Variants in ASIC2 observed in about 807,000 individuals in gnomAD.
The protein encoded by ASIC2 is acid sensing ion channel subunit 2, also known as acid-sensing ion channel 2.
A neutral mutation model predicts 57.3 loss-of-function variants in ASIC2; 25 were observed. That is an observed-to-expected ratio of 0.44 (90% CI 0.32 to 0.61). The LOEUF (loss-of-function observed/expected upper bound fraction) is 0.61. Ranked by LOEUF, ASIC2 falls within the 20% of genes least tolerant of loss-of-function variation. The pLI is 0.06. For missense variants in ASIC2, 641 were observed against 738.1 expected (o/e 0.87, Z 1.52); for synonymous variants, 319 against 307.5 (o/e 1.04, Z -0.39).
intron 1 of ASIC2, among the ~76,000 whole-genome samples, chr17:33,663,942 C>A (rs1419148659): frequency 1.3e-5 from 2 of 152,210 alleles, no homozygotes; most frequent in African/African-American, 4.8e-5. Context: ...AACCTGTCCT[C>A]ACCCAGGGCT....
chr17:33,369,756 T>C (rs145307851), intron 1 of ASIC2, among the ~76,000 whole-genome samples: 161 of 152,346 alleles, frequency 1.1e-3, no homozygotes, highest in African/African-American at 3.8e-3. Flanking sequence ...TTTCCGGTGC[T>C]GAAGCCAATA....
At chr17:34,090,007 C>T (rs1346462730) in intron 1 of ASIC2, among the ~76,000 whole-genome samples, 4 of 152,294 alleles carry the variant, frequency 2.6e-5, no homozygotes, top group Admixed American at 2.6e-4. Flanking sequence ...TGACCGGAGC[C>T]TCATCACATC....
intron 1 of ASIC2, chr17:33,635,172 T>C (rs1906314349): frequency 6.6e-6 from 1 of 152,198 alleles, no homozygotes; most frequent in Non-Finnish European, 1.5e-5. Flanking sequence ...TTTATGGAGA[T>C]GGAGAAGATT....
At chr17:34,128,071 C>A (rs1283713845) in intron 1 of ASIC2, among the ~76,000 whole-genome samples, 1 of 152,078 alleles carries the variant, frequency 6.6e-6, no homozygotes, top group Non-Finnish European at 1.5e-5. Flanking sequence ...GTGCCTAACA[C>A]CTTGTACAAT....
chr17:33,041,189 A>T (rs2141917621), intron 3 of ASIC2, among the ~76,000 whole-genome samples: 1 of 152,216 alleles, frequency 6.6e-6, no homozygotes, highest in Admixed American at 6.5e-5. Context: ...TTACCTAACT[A>T]CTCTGGGCCT....
chr17:33,151,199 ACG>A (rs1334146638), intron 1 of ASIC2, among the ~76,000 whole-genome samples: 11 of 110,374 alleles, frequency 1.0e-4, no homozygotes, highest in African/African-American at 1.8e-4. Flanking sequence ...ACACACACAC[ACG>A]CGCGCACACA....
chr17:33,375,981 T>A lies in ASIC2; in HGVS notation c.556-263914A>T, dbSNP rs375134052. 1.4e-4 allele frequency among the ~76,000 whole-genome samples: 22 copies of A among 152,282 alleles called. No individual in the cohort carries two copies. In the East Asian group the frequency reaches 3.5e-3, roughly 24 times the overall value. ...ATGAGTTTAATATGTCTGTTAGACA[T>A]CTGAATGGAGACGTTGAATAGGCAG... On this transcript the variant is annotated intron_variant, in intron 1 of 9. Transcript: ENST00000359872.
intron 1 of ASIC2, among the ~76,000 whole-genome samples, chr17:33,395,047 T>C (rs948526077): frequency 6.4e-5 from 9 of 139,918 alleles, no homozygotes; most frequent in Admixed American, 3.5e-4. Flanking sequence ...CATCCTTCCA[T>C]CCACCTACCC....
intron 1 of ASIC2, among the ~76,000 whole-genome samples, chr17:33,501,878 A>G (rs1914110210): frequency 6.6e-6 from 1 of 152,196 alleles, no homozygotes; most frequent in Admixed American, 6.5e-5. Flanking sequence ...GGCTGGGGTA[A>G]GGGGCCAGGT....
chr17:33,298,466 A>G (rs1332214847), intron 1 of ASIC2, among the ~76,000 whole-genome samples: 1 of 152,168 alleles, frequency 6.6e-6, no homozygotes, highest in Non-Finnish European at 1.5e-5. Flanking sequence ...CATGGTGTAT[A>G]TGTGCCACAT....
intron 1 of ASIC2, among the ~76,000 whole-genome samples, chr17:33,176,600 C>T (rs1905768490): frequency 6.6e-6 from 1 of 152,224 alleles, no homozygotes; most frequent in African/African-American, 2.4e-5. Context: ...CTGCCTTGGC[C>T]TCCCAAAGTG....
intron 1 of ASIC2, among the ~76,000 whole-genome samples, chr17:33,637,128 T>C (rs1906397877): frequency 6.6e-6 from 1 of 152,102 alleles, no homozygotes; most frequent in South Asian, 2.1e-4. Context: ...AAGATTTTTT[T>C]CTAAGCTCAG....
At chr17:33,514,837 C>T (rs1251083229) in intron 1 of ASIC2, among the ~76,000 whole-genome samples, 2 of 152,234 alleles carry the variant, frequency 1.3e-5, no homozygotes, top group African/African-American at 4.8e-5. Context: ...AAATCACTGA[C>T]TTTCTCGGCC....
At chr17:33,041,833 A>G (rs1013532550) in intron 3 of ASIC2, among the ~76,000 whole-genome samples, 1 of 152,042 alleles carries the variant, frequency 6.6e-6, no homozygotes, top group Admixed American at 6.5e-5. Flanking sequence ...TGGGCATGAC[A>G]CTCAACCTTT....
chr17:34,099,647 G>C (rs1294640745), intron 1 of ASIC2, among the ~76,000 whole-genome samples: 1 of 138,228 alleles, frequency 7.2e-6, no homozygotes, highest in Admixed American at 7.3e-5. Flanking sequence ...AGAAAGAAAA[G>C]AGAGGAAGGA....
At chr17:33,610,975 C>T (rs1291044290) in intron 1 of ASIC2, among the ~76,000 whole-genome samples, 1 of 152,156 alleles carries the variant, frequency 6.6e-6, no homozygotes, top group Non-Finnish European at 1.5e-5. Context: ...CCTGTAATTC[C>T]CTCCAGGCAT....
intron 1 of ASIC2, among the ~76,000 whole-genome samples, chr17:33,269,395 G>C (rs1000648871): frequency 6.6e-6 from 1 of 152,070 alleles, no homozygotes; most frequent in Non-Finnish European, 1.5e-5. Flanking sequence ...TGTCCCATCG[G>C]GGGGAAACAC....
At chr17:33,885,748 C>T (rs1597916575) in intron 1 of ASIC2, among the ~76,000 whole-genome samples, 1 of 152,214 alleles carries the variant, frequency 6.6e-6, no homozygotes, top group Non-Finnish European at 1.5e-5. Context: ...TCAAATGCTC[C>T]TTCCTCCATG....
chr17:33,133,005 G>A (rs2092353567), intron 1 of ASIC2, among the ~76,000 whole-genome samples: 1 of 152,198 alleles, frequency 6.6e-6, no homozygotes, highest in Admixed American at 6.5e-5. Flanking sequence ...CTCAAGGATT[G>A]TATAGTCTCT....
Sources: allele counts gnomAD v4.1 joint callset (sites outside exome capture counted in the v4.1 genomes callset), GRCh38; gene constraint gnomAD v4.1.1; transcripts MANE v1.5; gene names NCBI Gene and HGNC (gene_info 2026-07-23, HGNC 2026-07-21).